Variants in SLC5A1 observed in about 807,000 individuals in gnomAD.
SLC5A1 encodes sodium/glucose cotransporter 1.
Under a neutral mutation model 73.5 loss-of-function variants are expected in SLC5A1, and 42 were observed. The ratio of observed to expected loss-of-function variants is 0.57; its 90% CI spans 0.45 to 0.74. SLC5A1 has a LOEUF of 0.74. SLC5A1 is among the 30% of genes least tolerant of loss of function. The probability of loss-of-function intolerance (pLI) is 0.00; values close to 1 mark genes in which losing one functional copy is unlikely to be tolerated. For missense variants in SLC5A1, 634 were observed against 855.4 expected (o/e 0.74, Z 3.23); for synonymous variants, 300 against 317.4 (o/e 0.95, Z 0.58).
chr22:32,058,074 T>C (rs547056154), intron 2 of SLC5A1, among the ~76,000 whole-genome samples: 3 of 152,330 alleles, frequency 2.0e-5, no homozygotes, highest in South Asian at 2.1e-4. Context: ...ATAATCATTG[T>C]TAAATTTGGA....
intron 2 of SLC5A1, chr22:32,059,221 ACT>A: frequency 5.1e-6 from 5 of 985,188 alleles, no homozygotes; most frequent in Non-Finnish European, 4.8e-6. Context: ...ACAGAAAAAG[ACT>A]CTGTCCCAAA....
At chr22:32,073,255 C>T (rs538398636) in intron 5 of SLC5A1, among the ~76,000 whole-genome samples, 4 of 152,132 alleles carry the variant, frequency 2.6e-5, no homozygotes, top group South Asian at 2.1e-4. Flanking sequence ...TTCATTCTTT[C>T]GCATGTGGAT....
chr22:32,067,105 C>T (rs1299269456), intron 3 of SLC5A1, 66 bp downstream of exon 3: 1 of 1,292,276 alleles, frequency 7.7e-7, no homozygotes, highest in African/African-American at 1.5e-5. Context: ...CCAGTTCAAT[C>T]TATGCTCAGA....
At chr22:32,073,620 G>A (rs560096594) in intron 5 of SLC5A1, among the ~76,000 whole-genome samples, 11 of 151,980 alleles carry the variant, frequency 7.2e-5, no homozygotes, top group Non-Finnish European at 1.5e-4. Context: ...ACTGTGGCGC[G>A]ATCTTGGCTC....
chr22:32,063,825 A>G (rs989666987), intron 2 of SLC5A1, among the ~76,000 whole-genome samples: 1 of 152,138 alleles, frequency 6.6e-6, no homozygotes. Flanking sequence ...TTGGTAAATG[A>G]TTAAGTGTAG....
At chr22:32,058,245 G>A (rs1271670609) in intron 2 of SLC5A1, among the ~76,000 whole-genome samples, 1 of 152,118 alleles carries the variant, frequency 6.6e-6, no homozygotes, top group Non-Finnish European at 1.5e-5. Flanking sequence ...CATATGGCTG[G>A]GTGCAGTGGC....
In SLC5A1 at chr22:32,050,837, G is replaced by A. The variant is rs889803878; in HGVS notation, c.207+823G>A. Among the ~76,000 whole-genome samples, 6 of 152,326 alleles carry A rather than the reference G, an allele frequency of 3.9e-5. 1 individual carries two copies. The highest frequency in any genetic ancestry group is 2.0e-4 in the Admixed American group (3 of 15,298). Reference sequence around the variant, plus strand: ...GTCCCCGGAAGCCTGAGTCATGCTTGAGGCAAGCCAAGGCAACTCATCTGA... The same window carrying A: ...GTCCCCGGAAGCCTGAGTCATGCTTAAGGCAAGCCAAGGCAACTCATCTGA... On this transcript the variant is annotated intron_variant, in intron 2 of 14. Coordinates refer to ENST00000266088, the MANE Select transcript of SLC5A1 (RefSeq NM_000343.4).
intron 1 of SLC5A1, among the ~76,000 whole-genome samples, chr22:32,047,280 C>A: frequency 6.6e-6 from 1 of 152,136 alleles, no homozygotes. Context: ...CTCTCTTCAC[C>A]TTTTGTCCCT....
intron 5 of SLC5A1, among the ~76,000 whole-genome samples, chr22:32,078,697 G>A (rs2093994709): frequency 6.6e-6 from 1 of 152,056 alleles, no homozygotes. Flanking sequence ...GCTCAGGCCT[G>A]TAATCCCAGT....
At chr22:32,075,702 G>A (rs1199515368) in intron 5 of SLC5A1, among the ~76,000 whole-genome samples, 3 of 152,086 alleles carry the variant, frequency 2.0e-5, no homozygotes, top group Admixed American at 6.5e-5. Context: ...ACTATGGGGA[G>A]AGAACATCAG....
intron 2 of SLC5A1, among the ~76,000 whole-genome samples, chr22:32,061,130 A>C (rs1218891754): frequency 1.3e-5 from 2 of 152,050 alleles, no homozygotes; most frequent in East Asian, 3.8e-4. Context: ...TCTAACATTA[A>C]TTGTCAGTAG....
chr22:32,109,902 A>C, intron 14 of SLC5A1, 88 bp from the exon 15 acceptor site: 1 of 963,842 alleles, frequency 1.0e-6, no homozygotes, highest in South Asian at 1.3e-5. Context: ...GCAGAATAGC[A>C]GATGCTTCAT....
intron 9 of SLC5A1, 131 bp downstream of exon 9, chr22:32,085,166 A>G (rs2094006110): frequency 1.8e-6 from 2 of 1,099,090 alleles, no homozygotes; most frequent in Non-Finnish European, 1.4e-6. Context: ...CCCAGGCTGG[A>G]GTGCAGTGGT....
chr22:32,054,839 A>AT (rs1198386438), intron 2 of SLC5A1, among the ~76,000 whole-genome samples: 1 of 151,836 alleles, frequency 6.6e-6, no homozygotes, highest in Non-Finnish European at 1.5e-5. Context: ...AGCCTGGCTA[A>AT]TTTTTTTGTA....
intron 2 of SLC5A1, chr22:32,059,411 T>C (rs2093956879): frequency 3.3e-6 from 3 of 903,642 alleles, no homozygotes; most frequent in African/African-American, 3.6e-5. Flanking sequence ...TGGGCTTTAT[T>C]CTGCAGATGA....
At chr22:32,059,874 A>G (rs1285133469) in intron 2 of SLC5A1, among the ~76,000 whole-genome samples, 1 of 151,968 alleles carries the variant, frequency 6.6e-6, no homozygotes, top group Admixed American at 6.6e-5. Flanking sequence ...GTATCATGGA[A>G]GTCTTGATTC....
At chr22:32,075,120 C>G (rs937448620) in intron 5 of SLC5A1, among the ~76,000 whole-genome samples, 1 of 148,222 alleles carries the variant, frequency 6.7e-6, no homozygotes, top group Non-Finnish European at 1.5e-5. Context: ...CTATGTTACC[C>G]AGGCTGGTCT....
In SLC5A1 at chr22:32,067,888, G is replaced by A. The variant is rs135110; in HGVS notation, c.313-79G>A. ...GAACATGCTGGGTAATTTTTCTGCAGCAGCTGAGGGGCCCTTCAGGTGGCA... is the reference window on the plus strand; with the variant it reads ...GAACATGCTGGGTAATTTTTCTGCAACAGCTGAGGGGCCCTTCAGGTGGCA... On this transcript the variant is annotated intron_variant, in intron 3 of 14. Coordinates refer to ENST00000266088, the MANE Select transcript of SLC5A1 (RefSeq NM_000343.4). 842,384 of 1,457,502 alleles carry A rather than the reference G, an allele frequency of 0.58. 252,935 individuals are homozygous for A. Among genetic ancestry groups the A allele is most frequent in the East Asian group, 0.85 (37,514 of 44,138 alleles). 90.3% of individuals were successfully genotyped at this position (1,457,502 alleles called of 1,614,324 possible).
At chr22:32,060,764 C>T (rs1009378731) in intron 2 of SLC5A1, among the ~76,000 whole-genome samples, 18 of 151,906 alleles carry the variant, frequency 1.2e-4, no homozygotes, top group African/African-American at 4.4e-4. Context: ...GAGACGGGGT[C>T]TCGCTATGTT....
Sources: allele counts gnomAD v4.1 joint callset (sites outside exome capture counted in the v4.1 genomes callset), GRCh38; gene constraint gnomAD v4.1.1; transcripts MANE v1.5; gene names NCBI Gene and HGNC (gene_info 2026-07-23, HGNC 2026-07-21).